MTUS2: variants seen among roughly 807,000 people sequenced by gnomAD.
MTUS2 encodes the protein microtubule-associated tumor suppressor candidate 2.
In MTUS2, 40 loss-of-function variants were observed where a neutral mutation model predicts 114.1. That is an observed-to-expected ratio of 0.35 (90% CI 0.27 to 0.46). The LOEUF is 0.46. MTUS2 is among the 20% of genes least tolerant of loss of function. The pLI is 1.00. For synonymous variants in MTUS2, 688 were observed against 672.0 expected (o/e 1.02, Z -0.37); for missense variants, 1,679 against 1,705.4 (o/e 0.98, Z 0.27).
chr13:29,193,649 G>A (rs532940473), intron 5 of MTUS2, among the ~76,000 whole-genome samples: 13 of 152,154 alleles, frequency 8.5e-5, no homozygotes, highest in African/African-American at 3.1e-4. Context: ...AATCAATATC[G>A]TGAAAATGGC....
At chr13:29,367,716 C>A (rs1417617164) in intron 8 of MTUS2, among the ~76,000 whole-genome samples, 1 of 151,990 alleles carries the variant, frequency 6.6e-6, no homozygotes, top group African/African-American at 2.4e-5. Flanking sequence ...TGAACCCACC[C>A]CACCCCAGCC....
chr13:28,859,702 T>G (rs1876854873), intron 2 of MTUS2, among the ~76,000 whole-genome samples: 1 of 152,126 alleles, frequency 6.6e-6, no homozygotes, highest in Non-Finnish European at 1.5e-5. Context: ...ATCCTGTGAC[T>G]GATTTAAGAA....
intron 5 of MTUS2, among the ~76,000 whole-genome samples, chr13:29,178,176 T>C (rs1433944009): frequency 6.6e-6 from 1 of 152,182 alleles, no homozygotes; most frequent in Non-Finnish European, 1.5e-5. Flanking sequence ...TCTGATCACG[T>C]TGAATACCAA....
intron 2 of MTUS2, among the ~76,000 whole-genome samples, chr13:29,005,728 G>A (rs1006314963): frequency 2.6e-5 from 4 of 152,164 alleles, no homozygotes; most frequent in Admixed American, 1.3e-4. Context: ...GTAATGATAC[G>A]AATATCTTGC....
chr13:29,092,533 C>G (rs980547413), intron 4 of MTUS2, among the ~76,000 whole-genome samples: 2 of 152,132 alleles, frequency 1.3e-5, no homozygotes, highest in African/African-American at 2.4e-5. Context: ...TCAGAGTAAC[C>G]TTATTCATCT....
intron 7 of MTUS2, among the ~76,000 whole-genome samples, chr13:29,336,528 G>C (rs1901072081): frequency 6.6e-6 from 1 of 151,352 alleles, no homozygotes; most frequent in Non-Finnish European, 1.5e-5. Flanking sequence ...TGTCCCGAAA[G>C]GGCACCCGCC....
chr13:29,344,749 A>G (rs946909623), intron 7 of MTUS2, among the ~76,000 whole-genome samples: 3 of 152,092 alleles, frequency 2.0e-5, no homozygotes, highest in Non-Finnish European at 2.9e-5. Context: ...TTATTGTTTT[A>G]TACATCCTGT....
intron 9 of MTUS2, among the ~76,000 whole-genome samples, chr13:29,457,141 CAAAAAAA>C (rs771743973): frequency 3.3e-5 from 3 of 89,690 alleles, no homozygotes; most frequent in South Asian, 3.7e-4. Context: ...AGACTCCATT[CAAAAAAA>C]AAAAAAAAAG....
intron 6 of MTUS2, among the ~76,000 whole-genome samples, chr13:29,319,637 C>T (rs1900168874): frequency 6.6e-6 from 1 of 152,108 alleles, no homozygotes; most frequent in African/African-American, 2.4e-5. Context: ...TTGTACGCCC[C>T]CTCCAGGCCC....
intron 2 of MTUS2, among the ~76,000 whole-genome samples, chr13:29,004,540 A>T: frequency 6.6e-6 from 1 of 152,230 alleles, no homozygotes; most frequent in East Asian, 1.9e-4. Context: ...GCAGGCAAAA[A>T]TGAGAAGAAA....
At chr13:29,353,969 C>G (rs921988281) in intron 7 of MTUS2, among the ~76,000 whole-genome samples, 15 of 152,214 alleles carry the variant, frequency 9.9e-5, no homozygotes, top group African/African-American at 2.9e-4. Flanking sequence ...TCAGAATTCT[C>G]TCTGTGGAGC....
chr13:29,440,120 G>A (rs1877721701), intron 9 of MTUS2, 71 bp downstream of exon 9: 1 of 1,432,354 alleles, frequency 7.0e-7, no homozygotes, highest in African/African-American at 1.4e-5. Flanking sequence ...TGTACCAAAA[G>A]CAATTATGCC....
At chr13:29,305,023 G>T (rs1019894377) in intron 6 of MTUS2, among the ~76,000 whole-genome samples, 3 of 152,082 alleles carry the variant, frequency 2.0e-5, no homozygotes, top group African/African-American at 7.2e-5. Context: ...GGAACAACCT[G>T]CTTCTGAAAG....
intron 4 of MTUS2, among the ~76,000 whole-genome samples, chr13:29,035,258 C>T (rs1366709518): frequency 6.6e-6 from 1 of 152,174 alleles, no homozygotes; most frequent in Non-Finnish European, 1.5e-5. Context: ...CATGGTTGAT[C>T]ATTGGACACC....
chr13:28,861,157 T>A (rs1876954304), intron 2 of MTUS2, among the ~76,000 whole-genome samples: 1 of 152,170 alleles, frequency 6.6e-6, no homozygotes, highest in Admixed American at 6.5e-5. Flanking sequence ...AAATTAGCCC[T>A]CTGGAGTTAG....
chr13:28,906,978 A>C lies in MTUS2; in HGVS notation c.-243+67128A>C, dbSNP rs1294633071. 2.6e-5 allele frequency among the ~76,000 whole-genome samples: 4 copies of C among 151,646 alleles called. No individual in the cohort carries two copies. The East Asian group carries it at 7.7e-4, about 29-fold the overall frequency. On this transcript the variant is annotated intron_variant, in intron 2 of 15. Transcript: ENST00000612955. ...GATTCACCAAAGTAGAAATGAAGGA[A>C]AAAATGTTAAGGGCAGCCAGAGAGA... is the stretch of plus-strand genomic sequence containing the variant.
chr13:29,178,289 G>A (rs913249297), intron 5 of MTUS2, among the ~76,000 whole-genome samples: 1 of 151,962 alleles, frequency 6.6e-6, no homozygotes, highest in Admixed American at 6.6e-5. Context: ...GTCAATTTTT[G>A]TTTGGTCATA....
At chr13:28,821,294 A>G (rs946892587) in intron 1 of MTUS2, among the ~76,000 whole-genome samples, 1 of 152,222 alleles carries the variant, frequency 6.6e-6, no homozygotes, top group Non-Finnish European at 1.5e-5. Context: ...ACCCTATATT[A>G]AAAAAGTCAT....
At chr13:28,822,331 T>C (rs564469355) in intron 1 of MTUS2, among the ~76,000 whole-genome samples, 1 of 152,306 alleles carries the variant, frequency 6.6e-6, no homozygotes, top group South Asian at 2.1e-4. Flanking sequence ...GGAACTAGAC[T>C]GTTAAAGCCA....
Sources: gnomAD v4.1 joint callset for allele counts (sites outside exome capture counted in the v4.1 genomes callset) on GRCh38, gnomAD v4.1.1 for gene constraint, MANE v1.5 for transcripts, NCBI Gene and HGNC (gene_info 2026-07-23, HGNC 2026-07-21) for gene names.